Variants in FBXO34 observed in about 807,000 individuals in gnomAD.
FBXO34 encodes F-box only protein 34.
FBXO34 carries 12 observed loss-of-function variants against 24.5 expected under a neutral mutation model. The ratio of observed to expected loss-of-function variants is 0.49; its 90% CI spans 0.31 to 0.79. FBXO34 has a LOEUF of 0.79. FBXO34 is among the 30% of genes least tolerant of loss of function. The pLI is 0.04. For missense variants in FBXO34, 823 were observed against 857.7 expected (o/e 0.96, Z 0.51); for synonymous variants, 320 against 311.9 (o/e 1.03, Z -0.27).
At chr14:55,286,922 T>G (rs867639147) in intron 1 of FBXO34, among the ~76,000 whole-genome samples, 2 of 151,230 alleles carry the variant, frequency 1.3e-5, no homozygotes, top group African/African-American at 4.9e-5. Context: ...TTTTTTTTTT[T>G]TTTTGAGACA....
chr14:55,374,626 C>T (rs1277373044), downstream of FBXO34, among the ~76,000 whole-genome samples: 1 of 152,132 alleles, frequency 6.6e-6, no homozygotes, highest in East Asian at 1.9e-4. Flanking sequence ...CATTATAAAA[C>T]ACTGTCCTTT....
chr14:55,434,447 G>A, the FBXO34 span, among the ~76,000 whole-genome samples: 2 of 152,232 alleles, frequency 1.3e-5, no homozygotes, highest in East Asian at 3.9e-4. Context: ...GGTTAAGCTA[G>A]GAAGGAAACT....
intron 1 of FBXO34, among the ~76,000 whole-genome samples, chr14:55,297,047 A>C (rs1882160132): frequency 6.6e-6 from 1 of 152,132 alleles, no homozygotes; most frequent in South Asian, 2.1e-4. Flanking sequence ...TTAGGATGCA[A>C]ATGTACTTTC....
At chr14:55,383,140 C>A in the FBXO34 span, among the ~76,000 whole-genome samples, 1 of 152,210 alleles carries the variant, frequency 6.6e-6, no homozygotes, top group Non-Finnish European at 1.5e-5. Context: ...GTGTGCAGCA[C>A]AAGGGCCTTA....
At chr14:55,407,630 T>C in the FBXO34 span, among the ~76,000 whole-genome samples, 1 of 151,508 alleles carries the variant, frequency 6.6e-6, no homozygotes, top group Non-Finnish European at 1.5e-5. Context: ...TAAGTTCTGC[T>C]ACCTGCTGCT....
the FBXO34 span, among the ~76,000 whole-genome samples, chr14:55,415,984 A>G: frequency 2.0e-5 from 3 of 152,242 alleles, no homozygotes; most frequent in South Asian, 4.1e-4. Context: ...AAAGCCAGAC[A>G]TGAAAAGTCA....
the FBXO34 span, chr14:55,428,717 A>G: frequency 6.5e-6 from 9 of 1,376,570 alleles, no homozygotes; most frequent in Middle Eastern, 2.7e-4. Context: ...TTTAATCACA[A>G]TTTCTCTGAA....
At chr14:55,345,319 ATTTAC>A (rs1884124017) in intron 1 of FBXO34, among the ~76,000 whole-genome samples, 2 of 152,014 alleles carry the variant, frequency 1.3e-5, no homozygotes, top group South Asian at 4.1e-4. Flanking sequence ...CTGTGAACCC[ATTTAC>A]TTGTCATCTC....
chr14:55,370,055 A>T (rs10136596), downstream of FBXO34: 23 of 774,224 alleles, frequency 3.0e-5, no homozygotes, highest in Non-Finnish European at 3.7e-5. Flanking sequence ...CCCCAAGTCT[A>T]TGCAGCACTC....
chr14:55,287,328 CAT>C (rs1165717680), intron 1 of FBXO34, among the ~76,000 whole-genome samples: 1 of 152,210 alleles, frequency 6.6e-6, no homozygotes, highest in Admixed American at 6.5e-5. Flanking sequence ...CTTAGTCACT[CAT>C]GTGCACAGTC....
rs199824919 is a variant in FBXO34 at position 55,350,501 on chromosome 14, A to G, written c.111A>G (p.Thr37=). 3.7e-6 allele frequency: 6 copies of G among 1,614,012 alleles called. No homozygotes were observed. In the African/African-American group the frequency reaches 6.7e-5, roughly 18 times the overall value. Residue 37 remains threonine (T), a synonymous_variant, in exon 2 of 2, where the codon ACA becomes ACG. Transcript: ENST00000313833. The stretch of plus-strand genomic sequence containing the variant: ...ACCAAAAGGCTGTAAATGATGAAAC[A>G]TGCAAAGCTAGCCACATAACATCAA... ...MNHQKAVNDE[T]CKASHITSSV...
chr14:55,373,701 C>T (rs529886498), downstream of FBXO34, among the ~76,000 whole-genome samples: 36 of 152,102 alleles, frequency 2.4e-4, no homozygotes, highest in Non-Finnish European at 4.3e-4. Context: ...TCAAGTGATC[C>T]GCCCACCTCA....
At chr14:55,284,873 C>T (rs1464492521) in intron 1 of FBXO34, among the ~76,000 whole-genome samples, 1 of 150,096 alleles carries the variant, frequency 6.7e-6, no homozygotes, top group East Asian at 1.9e-4. Context: ...TCCTCAGCCT[C>T]CCAAAATGCT....
chr14:55,336,792 C>G (rs1284490435), intron 1 of FBXO34, among the ~76,000 whole-genome samples: 2 of 150,302 alleles, frequency 1.3e-5, no homozygotes, highest in Non-Finnish European at 3.0e-5. Context: ...CTCAAAAATG[C>G]ATACACACAT....
chr14:55,301,418 CAA>C (rs1473264615), intron 1 of FBXO34, among the ~76,000 whole-genome samples: 1 of 148,764 alleles, frequency 6.7e-6, no homozygotes, highest in Non-Finnish European at 1.5e-5. Flanking sequence ...GCCTGGGTGA[CAA>C]AGTGAGACTC....
At chr14:55,378,092 A>G in the FBXO34 span, 1 of 1,604,410 alleles carries the variant, frequency 6.2e-7, no homozygotes, top group Non-Finnish European at 8.5e-7. Context: ...ACAAACATAC[A>G]ATTTATAAAG....
chr14:55,359,025 C>T lies in FBXO34; in HGVS notation c.*589-2708C>T, dbSNP rs138589039. Among the ~76,000 whole-genome samples, 5 of 152,136 alleles carry T rather than the reference C, an allele frequency of 3.3e-5. No homozygotes were observed. The East Asian group carries it at 9.7e-4, about 29-fold the overall frequency. ...GGCAGGGAAGGAGCCAGGGAATGAA[C>T]ACCTTGAGCCTCAAAGGGCCTGGAG... is the stretch of plus-strand genomic sequence containing the variant. On this transcript the variant is annotated intron_variant and NMD_transcript_variant, in intron 3 of 3. Coordinates refer to the FBXO34 transcript ENST00000555280.
At chr14:55,409,015 T>C in the FBXO34 span, among the ~76,000 whole-genome samples, 11 of 152,200 alleles carry the variant, frequency 7.2e-5, no homozygotes, top group African/African-American at 1.2e-4. Flanking sequence ...ACATTTCTAT[T>C]GTGGCTGCTG....
chr14:55,381,903 G>T, the FBXO34 span: 1 of 1,458,028 alleles, frequency 6.9e-7, no homozygotes, highest in Non-Finnish European at 9.6e-7. Context: ...ATTTTGTTAT[G>T]TCAATTTTAC....
Sources: allele counts gnomAD v4.1 joint callset (sites outside exome capture counted in the v4.1 genomes callset), GRCh38; gene constraint gnomAD v4.1.1; transcripts MANE v1.5; gene names NCBI Gene and HGNC (gene_info 2026-07-23, HGNC 2026-07-21).